ITGA2: variants seen among roughly 807,000 people sequenced by gnomAD.
The protein encoded by ITGA2 is integrin alpha-2.
ITGA2 carries 101 observed loss-of-function variants against 146.3 expected under a neutral mutation model. The ratio of observed to expected loss-of-function variants is 0.69; its 90% CI spans 0.59 to 0.81. ITGA2 has a LOEUF of 0.81. ITGA2 is among the 40% of genes least tolerant of loss of function. ITGA2 has a pLI of 0.00. For missense variants in ITGA2, 1,281 were observed against 1,402.7 expected (o/e 0.91, Z 1.39); for synonymous variants, 477 against 487.1 (o/e 0.98, Z 0.27).
intron 1 of ITGA2, among the ~76,000 whole-genome samples, chr5:53,000,487 T>G (rs1741506891): frequency 6.6e-6 from 1 of 152,184 alleles, no homozygotes; most frequent in Non-Finnish European, 1.5e-5. Context: ...CTATAATTCT[T>G]TATGTTTCTT....
chr5:53,051,607 A>G, intron 7 of ITGA2, 48 bp downstream of exon 7: 2 of 1,536,124 alleles, frequency 1.3e-6, no homozygotes, highest in Non-Finnish European at 1.8e-6. Flanking sequence ...GTAAAACATT[A>G]TATTTATGTA....
chr5:53,025,459 T>C (rs551467209), intron 1 of ITGA2, among the ~76,000 whole-genome samples: 93 of 152,196 alleles, frequency 6.1e-4, no homozygotes, highest in Admixed American at 1.5e-3. Flanking sequence ...AAAAGCTGAA[T>C]TCCTTGTGTG....
chr5:53,023,676 G>T (rs1742795854), intron 1 of ITGA2, among the ~76,000 whole-genome samples: 1 of 152,082 alleles, frequency 6.6e-6, no homozygotes, highest in East Asian at 1.9e-4. Flanking sequence ...ATGGTTTGGA[G>T]GAAGGAAACA....
intron 8 of ITGA2, 24 bp downstream of exon 8, chr5:53,055,712 G>C: frequency 1.2e-6 from 2 of 1,611,810 alleles, no homozygotes; most frequent in South Asian, 2.2e-5. Context: ...CTTTTCACTT[G>C]TCTTGCCGCT....
intron 1 of ITGA2, among the ~76,000 whole-genome samples, chr5:53,026,263 A>G (rs1214097850): frequency 6.6e-6 from 1 of 152,212 alleles, no homozygotes; most frequent in Non-Finnish European, 1.5e-5. Context: ...CCATGTCAAG[A>G]TGTTCAAGGT....
intron 2 of ITGA2, among the ~76,000 whole-genome samples, chr5:53,032,107 T>C (rs1366164096): frequency 6.6e-6 from 1 of 152,162 alleles, no homozygotes. Flanking sequence ...CAAGGACTAG[T>C]GCATTCTTTT....
intron 12 of ITGA2, among the ~76,000 whole-genome samples, chr5:53,061,764 C>T (rs928752633): frequency 2.0e-5 from 3 of 151,832 alleles, no homozygotes; most frequent in African/African-American, 4.8e-5. Context: ...TAATCCCTGA[C>T]AACCAACAAA....
At chr5:53,042,998 C>G (rs1032500096) in intron 3 of ITGA2, among the ~76,000 whole-genome samples, 14 of 152,094 alleles carry the variant, frequency 9.2e-5, no homozygotes, top group Admixed American at 6.6e-4. Context: ...TTGCATATCT[C>G]TGTAGACCTA....
intron 16 of ITGA2, 150 bp downstream of exon 16, chr5:53,067,407 G>A: frequency 1.3e-6 from 1 of 792,762 alleles, no homozygotes; most frequent in African/African-American, 1.7e-5. Flanking sequence ...GCCCGAGAAT[G>A]GTTCACTAGT....
intron 27 of ITGA2, among the ~76,000 whole-genome samples, chr5:53,085,356 C>T (rs937578385): frequency 3.3e-5 from 5 of 152,132 alleles, no homozygotes; most frequent in Non-Finnish European, 2.9e-5. Flanking sequence ...CTAGCAGGTG[C>T]GTTACTTCAC....
chr5:52,999,132 CT>C (rs1741444627), intron 1 of ITGA2, among the ~76,000 whole-genome samples: 1 of 152,098 alleles, frequency 6.6e-6, no homozygotes, highest in Non-Finnish European at 1.5e-5. Context: ...TTCTGTTCCC[CT>C]TTTCTGTTCT....
intron 27 of ITGA2, among the ~76,000 whole-genome samples, chr5:53,084,975 T>C (rs759150020): frequency 6.6e-6 from 1 of 152,236 alleles, no homozygotes; most frequent in Non-Finnish European, 1.5e-5. Context: ...GCTGCTTTAA[T>C]GTGGCTATGG....
chr5:53,067,232 A>G lies in ITGA2; in HGVS notation c.2058A>G (p.Arg686=). ...ILKLCFSAKF[R]PTKQNNQVAI... is the part of the protein sequence containing the mutation. The stretch of plus-strand genomic sequence containing the variant: ...AACTCTGCTTCAGTGCAAAGTTCAG[A>G]CCTACTAAGCAAAACAATCAAGTGG... Residue 686 remains arginine (R), a synonymous_variant, in exon 16 of 30, where the codon AGA becomes AGG. Coordinates refer to ENST00000296585, the MANE Select transcript of ITGA2 (RefSeq NM_002203.4). 6.2e-7 allele frequency: 1 copy of G among 1,611,660 alleles called. No individual in the cohort carries two copies. The highest frequency in any genetic ancestry group is 8.5e-7 in the Non-Finnish European group (1 of 1,178,678).
chr5:53,042,265 TC>T (rs1743837953), intron 3 of ITGA2, 44 bp downstream of exon 3: 3 of 1,160,028 alleles, frequency 2.6e-6, no homozygotes, highest in Non-Finnish European at 3.9e-6. Context: ...TGTCTTAGAC[TC>T]AACTGAAAAA....
intron 1 of ITGA2, among the ~76,000 whole-genome samples, chr5:53,006,083 G>T (rs1741833173): frequency 1.3e-5 from 2 of 152,172 alleles, no homozygotes; most frequent in Non-Finnish European, 2.9e-5. Flanking sequence ...GGGAGAGAGA[G>T]CATCAGGATA....
In ITGA2 at chr5:53,091,452, C is replaced by T. The variant is rs1202343449; in HGVS notation, c.*853C>T. ...TTTTAGGAGGCACAACAGTTCTCTT[C>T]TAGGATTTGTTTGGCTGACTGGCAG... is the stretch of plus-strand genomic sequence containing the variant. On this transcript the variant is annotated 3_prime_UTR_variant, in exon 30 of 30. Transcript: ENST00000296585. 6.6e-6 allele frequency: 1 copy of T among 152,134 alleles called. No homozygotes were observed. Among genetic ancestry groups the T allele is most frequent in the East Asian group, 1.9e-4 (1 of 5,188 alleles). The allele number at this position is 152,134 out of a possible 1,614,324, so 9.4% of individuals were successfully genotyped here.
chr5:53,045,066 A>C lies in ITGA2; in HGVS notation c.361A>C (p.Arg121=). The C allele has an allele frequency of 6.2e-7, 1 of 1,613,880 alleles. No individual in the cohort carries two copies. Among genetic ancestry groups the C allele is most frequent in the East Asian group, 2.2e-5 (1 of 44,850 alleles). Residue 121 remains arginine (R), a synonymous_variant, in exon 4 of 30, where the codon AGG becomes CGG. Transcript: ENST00000296585. ...TNMSLGLILT[R]NMGTGGFLTC... ...CATGAGCCTCGGCTTGATCCTCACC[A>C]GGAACATGGGAACTGGAGGTTTTCT...
At position 53,055,652 on chromosome 5, in the gene ITGA2, A is replaced by G; in HGVS notation, c.894A>G (p.Gln298=). ...DGSMLKAVID[Q]CNHDNILRFG... Reference sequence around the variant, plus strand: ...CAATGTTGAAAGCTGTGATTGATCAATGCAACCATGACAATATACTGAGGT... The same window carrying G: ...CAATGTTGAAAGCTGTGATTGATCAGTGCAACCATGACAATATACTGAGGT... Residue 298 remains glutamine (Q), a synonymous_variant, in exon 8 of 30, where the codon CAA becomes CAG. Transcript: ENST00000296585. The G allele has an allele frequency of 1.2e-6, 2 of 1,613,338 alleles. No homozygotes were observed. The highest frequency in any genetic ancestry group is 2.2e-5 in the South Asian group (2 of 91,072).
chr5:53,043,328 T>A (rs1743895616), intron 3 of ITGA2, among the ~76,000 whole-genome samples: 1 of 152,156 alleles, frequency 6.6e-6, no homozygotes, highest in Non-Finnish European at 1.5e-5. Flanking sequence ...TTCTGAACAC[T>A]CATTCTTAAT....
Sources: gnomAD v4.1 joint callset for allele counts (sites outside exome capture counted in the v4.1 genomes callset) on GRCh38, gnomAD v4.1.1 for gene constraint, MANE v1.5 for transcripts, NCBI Gene and HGNC (gene_info 2026-07-23, HGNC 2026-07-21) for gene names.